The following ZFPM2 variants were observed in gnomAD, a reference collection of about 807,000 sequenced individuals.
ZFPM2 encodes zinc finger protein, FOG family member 2, also known as zinc finger protein ZFPM2.
ZFPM2 carries 20 observed loss-of-function variants against 98.6 expected under a neutral mutation model. That is an observed-to-expected ratio of 0.20 (90% CI 0.14 to 0.29). The LOEUF (loss-of-function observed/expected upper bound fraction) is 0.29. ZFPM2 is among the 10% of genes least tolerant of loss of function. The pLI is 1.00. For synonymous variants in ZFPM2, 518 were observed against 502.7 expected, an observed-to-expected ratio of 1.03 and a Z score of -0.41; for missense variants, 1,310 against 1,388.6, an observed-to-expected ratio of 0.94 and a Z score of 0.90.
chr8:105,481,133 A>G (rs1813108849), intron 3 of ZFPM2, among the ~76,000 whole-genome samples: 1 of 152,116 alleles, frequency 6.6e-6, no homozygotes, highest in South Asian at 2.1e-4. Context: ...CTAGGAGAAC[A>G]TGTTACATCA....
At chr8:105,620,064 G>A (rs1816503425) in intron 4 of ZFPM2, among the ~76,000 whole-genome samples, 2 of 152,126 alleles carry the variant, frequency 1.3e-5, no homozygotes, top group Non-Finnish European at 2.9e-5. Flanking sequence ...GGATGGCTGG[G>A]TCAAATGATA....
rs556647156 is a variant in ZFPM2 at position 105,579,593 on chromosome 8, C to T, written c.420+18112C>T. Among the ~76,000 whole-genome samples, 23 of 152,190 alleles carry T rather than the reference C, an allele frequency of 1.5e-4. No individual in the cohort carries two copies. The South Asian group carries it at 4.6e-3, about 30-fold the overall frequency. On this transcript the variant is annotated intron_variant, in intron 4 of 7. Transcript: ENST00000407775. ...TAGTCAATCATCCACTATCAGGTAC[C>T]ACTGTCCTGATTAACAGGCTGAAGA...
chr8:105,517,707 C>CACA (rs61552974), intron 3 of ZFPM2, among the ~76,000 whole-genome samples: 1 of 124,890 alleles, frequency 8.0e-6, no homozygotes, highest in Non-Finnish European at 1.6e-5. Flanking sequence ...CACACACACA[C>CACA]CACACACACA....
chr8:105,457,489 T>C (rs921042083), intron 3 of ZFPM2, among the ~76,000 whole-genome samples: 1 of 152,146 alleles, frequency 6.6e-6, no homozygotes, highest in African/African-American at 2.4e-5. Context: ...GAGGAGAAGA[T>C]AGACAAATGA....
chr8:105,601,918 C>T (rs2130784620), intron 4 of ZFPM2, among the ~76,000 whole-genome samples: 1 of 152,170 alleles, frequency 6.6e-6, no homozygotes, highest in Admixed American at 6.6e-5. Context: ...GGCAGGAATT[C>T]ACTGGGCCTC....
chr8:105,458,739 C>A lies in ZFPM2; in HGVS notation c.301+14358C>A, dbSNP rs535714590. On this transcript the variant is annotated intron_variant, in intron 3 of 7. Transcript: ENST00000407775. ...TAAAACCAATTAAAAGAAAAGCAAG[C>A]CAAAAGAAAAGAAAAAAGAGAAGCA... Among the ~76,000 whole-genome samples the A allele has an allele frequency of 6.8e-4, 104 of 151,908 alleles. 3 individuals are homozygous for A. In the South Asian group the frequency reaches 0.02, roughly 30 times the overall value.
chr8:105,523,006 A>C lies in ZFPM2; in HGVS notation c.302-38357A>C, dbSNP rs554497479. ...TGGAAATATAGCCTAATGGTCTGAT[A>C]GAATTAAATGCTAGGTCTAGTTCTT... is the stretch of plus-strand genomic sequence containing the variant. On this transcript the variant is annotated intron_variant, in intron 3 of 7. Coordinates refer to ENST00000407775, the MANE Select transcript of ZFPM2 (RefSeq NM_012082.4). 2.6e-5 allele frequency among the ~76,000 whole-genome samples: 4 copies of C among 152,292 alleles called. No individual in the cohort carries two copies. In the South Asian group the frequency reaches 8.3e-4, roughly 32 times the overall value.
At chr8:105,695,748 G>A (rs944206231) in intron 5 of ZFPM2, among the ~76,000 whole-genome samples, 6 of 152,066 alleles carry the variant, frequency 3.9e-5, no homozygotes, top group African/African-American at 9.7e-5. Flanking sequence ...ATAGGTAAAT[G>A]TACTATTATA....
At chr8:105,345,965 T>C (rs1431038707) in intron 1 of ZFPM2, among the ~76,000 whole-genome samples, 3 of 152,210 alleles carry the variant, frequency 2.0e-5, no homozygotes, top group Non-Finnish European at 4.4e-5. Context: ...TTTCAATAAA[T>C]GTTTGCCATG....
At chr8:105,403,704 A>C (rs1811384260) in intron 1 of ZFPM2, among the ~76,000 whole-genome samples, 1 of 151,936 alleles carries the variant, frequency 6.6e-6, no homozygotes, top group South Asian at 2.1e-4. Context: ...CTGGCTCTAA[A>C]GCAGAGGATT....
chr8:105,513,416 T>C (rs1813855577), intron 3 of ZFPM2, among the ~76,000 whole-genome samples: 1 of 152,160 alleles, frequency 6.6e-6, no homozygotes, highest in Non-Finnish European at 1.5e-5. Context: ...ATTTTTAAGG[T>C]CTATATAAGG....
intron 5 of ZFPM2, among the ~76,000 whole-genome samples, chr8:105,638,503 A>G (rs1282127623): frequency 6.6e-6 from 1 of 152,096 alleles, no homozygotes; most frequent in Non-Finnish European, 1.5e-5. Flanking sequence ...TTTCCTAAAA[A>G]CCTAAACTAC....
At chr8:105,774,319 C>T (rs1343877258) in intron 5 of ZFPM2, among the ~76,000 whole-genome samples, 1 of 152,022 alleles carries the variant, frequency 6.6e-6, no homozygotes, top group Non-Finnish European at 1.5e-5. Context: ...AAATAAAAAA[C>T]ACAAACATCA....
At chr8:105,669,573 G>A (rs1424097075) in intron 5 of ZFPM2, among the ~76,000 whole-genome samples, 1 of 149,912 alleles carries the variant, frequency 6.7e-6, no homozygotes. Context: ...TGTAAATAAA[G>A]ATTACTTTGT....
intron 3 of ZFPM2, chr8:105,451,748 A>C (rs1462348525): frequency 2.6e-5 from 4 of 152,176 alleles, no homozygotes; most frequent in Admixed American, 2.6e-4. Context: ...TAACCTCCAG[A>C]ACTGTGAAAC....
Position 105,561,481 on chromosome 8 carries a change from G to C in ZFPM2, c.420G>C (p.Leu140Phe), listed in dbSNP as rs1191718667. 1 of 1,605,002 alleles carries C rather than the reference G, an allele frequency of 6.2e-7. No homozygotes were observed. Among genetic ancestry groups the C allele is most frequent in the Non-Finnish European group, 8.5e-7 (1 of 1,173,840 alleles). Residue 140 changes from leucine (L) to phenylalanine (F), a missense_variant and splice_region_variant, in exon 4 of 8, where the codon TTG becomes TTC. By Grantham distance (22) the Leu-to-Phe change is conservative. Transcript: ENST00000407775. Reference protein sequence around the residue: ...PGKMDLNNNSLKTKAQVPMVL... With the variant: ...PGKMDLNNNSFKTKAQVPMVL... ...AGATGGACTTGAATAATAATTCTTT[G>C]GTATGTGGATATTCCGAGATGGTTA... is the stretch of plus-strand genomic sequence containing the variant.
intron 2 of ZFPM2, among the ~76,000 whole-genome samples, chr8:105,428,113 G>T (rs1256342807): frequency 1.3e-5 from 2 of 152,148 alleles, no homozygotes; most frequent in Non-Finnish European, 2.9e-5. Context: ...TTTGCTTCCT[G>T]ATGTCCACTA....
Position 105,448,098 on chromosome 8 carries a change from A to G in ZFPM2, c.301+3717A>G, listed in dbSNP as rs141668516. Among the ~76,000 whole-genome samples the G allele has an allele frequency of 9.2e-4, 140 of 152,194 alleles. 3 individuals are homozygous for G. In the East Asian group the frequency reaches 0.025, roughly 28 times the overall value. ...CTATGAATCTTTCATGGTTTGAGTG[A>G]AAAGCTAGACACACTAAGCTGGTAG... On this transcript the variant is annotated intron_variant, in intron 3 of 7. Transcript: ENST00000407775.
At chr8:105,483,053 A>G (rs1366261526) in intron 3 of ZFPM2, among the ~76,000 whole-genome samples, 2 of 77,120 alleles carry the variant, frequency 2.6e-5, no homozygotes, top group Non-Finnish European at 4.9e-5. Context: ...TTTTAACAGG[A>G]TCTTGCTATG....
Sources: gnomAD v4.1 joint callset for allele counts (sites outside exome capture counted in the v4.1 genomes callset) on GRCh38, gnomAD v4.1.1 for gene constraint, MANE v1.5 for transcripts, NCBI Gene and HGNC (gene_info 2026-07-23, HGNC 2026-07-21) for gene names.